COX6A2: variants seen among roughly 807,000 people sequenced by gnomAD.
COX6A2 encodes cytochrome c oxidase subunit 6A2, mitochondrial.
In COX6A2, 5 loss-of-function variants were observed where a neutral mutation model predicts 7.2. That is an observed-to-expected ratio of 0.69 (90% CI 0.36 to 1.45). The LOEUF (loss-of-function observed/expected upper bound fraction) is 1.45. COX6A2 is among the 40% of genes most tolerant of loss of function. The pLI is 0.03. For synonymous variants in COX6A2, 63 were observed against 55.9 expected (o/e 1.13, Z -0.56); for missense variants, 174 against 137.7 (o/e 1.26, Z -1.32).
At chr16:31,428,182 C>G (rs968130651) in intron 1 of COX6A2, 31 bp from the exon 2 acceptor site, 31 of 1,557,206 alleles carry the variant, frequency 2.0e-5, no homozygotes, top group Non-Finnish European at 2.3e-5. Context: ...GCGCGGCGGT[C>G]CTGGGGCGGC....
chr16:31,428,164 C>G lies in COX6A2; in HGVS notation c.74-13G>C, dbSNP rs745413427. The G allele has an allele frequency of 1.9e-6, 3 of 1,567,040 alleles. No homozygotes were observed. The highest frequency in any genetic ancestry group is 1.2e-5 in the South Asian group (1 of 84,886). On this transcript the variant is annotated splice_polypyrimidine_tract_variant and intron_variant, in intron 1 of 2. Coordinates refer to ENST00000287490, the MANE Select transcript of COX6A2 (RefSeq NM_005205.4). ...CGCCAGGTACGAGCTGCGGACGGAG[C>G]GGGGTGAGCGCGGCGGTCCTGGGGC...
At position 31,428,072 on chromosome 16, in the gene COX6A2, C is replaced by G. The variant is rs1332271511; in HGVS notation, c.153G>C (p.Ser51=). The G allele has an allele frequency of 3.2e-6, 5 of 1,550,756 alleles. No individual in the cohort carries two copies. The highest frequency in any genetic ancestry group is 4.4e-6 in the Non-Finnish European group (5 of 1,149,078). The change falls in exon 2 of 3, where the codon TCG becomes TCC. Residue 51 remains serine (S), a synonymous_variant. Transcript: ENST00000287490. ...ALCTFNSYLH[S]GHRPRPEFRP... ...GGAACTCGGGGCGCGGGCGGTGGCCCGAGTGGAGATAGGAGTTGAAGGTGC... is the reference window on the plus strand; with the variant it reads ...GGAACTCGGGGCGCGGGCGGTGGCCGGAGTGGAGATAGGAGTTGAAGGTGC...
In COX6A2 at chr16:31,428,008, C is replaced by A; in HGVS notation, c.210+7G>T. 4 of 1,449,228 alleles carry A rather than the reference C, an allele frequency of 2.8e-6. No individual in the cohort carries two copies. Among genetic ancestry groups the A allele is most frequent in the Non-Finnish European group, 1.8e-6 (2 of 1,097,710 alleles). 89.8% of individuals were successfully genotyped at this position (1,449,228 alleles called of 1,614,324 possible). On this transcript the variant is annotated splice_region_variant and intron_variant, in intron 2 of 2. Transcript: ENST00000287490. ...CCCCGTGCCGCCCGCGCGCCCGTCC[C>A]GCGTACCTTGGTGCGGATGCGGAGG...
Position 31,428,058 on chromosome 16 carries a change from C to T in COX6A2, c.167G>A (p.Arg56His). The change falls in exon 2 of 3, where the codon CGC (arginine) becomes CAC (histidine). Residue 56 changes from arginine (R) to histidine (H), a missense_variant. Physicochemically the swap from Arg to His is conservative, Grantham distance 29. Transcript: ENST00000287490. ...NSYLHSGHRP[R>H]PEFRPYQHLR... The stretch of plus-strand genomic sequence containing the variant: ...GTGTTGGTAGGGACGGAACTCGGGG[C>T]GCGGGCGGTGGCCCGAGTGGAGATA... 1.3e-6 allele frequency: 2 copies of T among 1,542,752 alleles called. No individual in the cohort carries two copies. Among genetic ancestry groups the T allele is most frequent in the Non-Finnish European group, 8.7e-7 (1 of 1,145,880 alleles).
chr16:31,427,929 C>CG lies in COX6A2; in HGVS notation c.211-73_211-72insC, dbSNP rs1452498047. On this transcript the variant is annotated intron_variant, in intron 2 of 2. Coordinates refer to ENST00000287490, the MANE Select transcript of COX6A2 (RefSeq NM_005205.4). ...GGAGTCCGCGCCCCGCGCGACCCCC[C>CG]CCCCGCAGCACCCCCCCCCGCCCCC... 6 of 351,412 alleles carry CG rather than the reference C, an allele frequency of 1.7e-5. 1 individual carries two copies. In the East Asian group the frequency reaches 3.2e-4, roughly 19 times the overall value. 21.8% of individuals were successfully genotyped at this position (351,412 alleles called of 1,614,324 possible).
rs1491104024 is a variant in COX6A2, at chr16:31,427,922, G to GCGCCCCCCCCCCCGCAGC, written c.211-66_211-65insGCTGCGGGGGGGGGGGCG. ...TGAGTCCGGAGTCCGCGCCCCGCGC[G>GCGCCCCCCCCCCCGCAGC]ACCCCCCCCCCGCAGCACCCCCCCC... On this transcript the variant is annotated intron_variant, in intron 2 of 2. Transcript: ENST00000287490. The GCGCCCCCCCCCCCGCAGC allele has an allele frequency of 9.9e-6, 2 of 201,974 alleles. 1 individual carries two copies. Among genetic ancestry groups the GCGCCCCCCCCCCCGCAGC allele is most frequent in the African/African-American group, 2.6e-4 (2 of 7,580 alleles). The allele number at this position is 201,974 out of a possible 1,614,324, so 12.5% of individuals were successfully genotyped here. A position where few individuals can be genotyped will look rare whatever the true frequency, so the allele number is the denominator to read the frequency against.
intron 1 of COX6A2, 26 bp downstream of exon 1, chr16:31,428,227 C>A: frequency 1.3e-6 from 2 of 1,551,176 alleles, no homozygotes; most frequent in Non-Finnish European, 1.7e-6. Context: ...TAGGGGAGCC[C>A]CCGGATCCGC....
chr16:31,428,159 C>A lies in COX6A2; in HGVS notation c.74-8G>T. On this transcript the variant is annotated splice_region_variant and splice_polypyrimidine_tract_variant and intron_variant, in intron 1 of 2. Transcript: ENST00000287490. ...GCAGACGCCAGGTACGAGCTGCGGA[C>A]GGAGCGGGGTGAGCGCGGCGGTCCT... 6.4e-7 allele frequency: 1 copy of A among 1,569,132 alleles called. No individual in the cohort carries two copies. The highest frequency in any genetic ancestry group is 1.9e-5 in the Admixed American group (1 of 53,564).
chr16:31,427,736 G>A lies in COX6A2; in HGVS notation c.*38C>T. ...CTCCCCACAGAGCCGCAGACTCGAA[G>A]CTTCACACCTTTATTGTGTCCGGGG... is the stretch of plus-strand genomic sequence containing the variant. On this transcript the variant is annotated 3_prime_UTR_variant, in exon 3 of 3. Coordinates refer to ENST00000287490, the MANE Select transcript of COX6A2 (RefSeq NM_005205.4). The A allele has an allele frequency of 1.5e-6, 2 of 1,335,222 alleles. No homozygotes were observed. The highest frequency in any genetic ancestry group is 1.9e-6 in the Non-Finnish European group (2 of 1,031,710). The allele number at this position is 1,335,222 out of a possible 1,614,324, so 82.7% of individuals were successfully genotyped here. A position where few individuals can be genotyped will look rare whatever the true frequency, so the allele number is the denominator to read the frequency against.
At position 31,428,179 on chromosome 16, in the gene COX6A2, G is replaced by A. The variant is rs1244071783; in HGVS notation, c.74-28C>T. The A allele has an allele frequency of 7.7e-6, 12 of 1,560,000 alleles. No homozygotes were observed. In the East Asian group the frequency reaches 1.2e-4, roughly 16 times the overall value. ...GCGGACGGAGCGGGGTGAGCGCGGC[G>A]GTCCTGGGGCGGCGGGCCTGTGAAC... On this transcript the variant is annotated intron_variant, in intron 1 of 2. Coordinates refer to ENST00000287490, the MANE Select transcript of COX6A2 (RefSeq NM_005205.4).
intron 1 of COX6A2, 23 bp downstream of exon 1, chr16:31,428,230 G>A (rs1263368341): frequency 1.3e-6 from 2 of 1,558,882 alleles, no homozygotes; most frequent in Non-Finnish European, 1.7e-6. Context: ...GGGAGCCCCC[G>A]GATCCGCCCG....
At position 31,428,118 on chromosome 16, in the gene COX6A2, G is replaced by A. The variant is rs868488221; in HGVS notation, c.107C>T (p.Ala36Val). 1.3e-6 allele frequency: 2 copies of A among 1,571,158 alleles called. No homozygotes were observed. The highest frequency in any genetic ancestry group is 1.4e-5 in the African/African-American group (1 of 73,740). Residue 36 changes from alanine to valine, a missense_variant, in exon 2 of 3, where the codon GCG becomes GTG. Transcript: ENST00000287490. The stretch of plus-strand genomic sequence containing the variant: ...GGTGCAGAGGGCCACGCTGGGCAGC[G>A]CCAGCACGAAGGTCAGCAGACGCCA... The part of the protein sequence containing the change: ...RTWRLLTFVL[A>V]LPSVALCTFN...
rs1356042480 is a variant in COX6A2, at chr16:31,428,005, TCCCGCGTA to T, written c.210+2_210+9del. 1 of 1,365,188 alleles carries T rather than the reference TCCCGCGTA, an allele frequency of 7.3e-7. No homozygotes were observed. Among genetic ancestry groups the T allele is most frequent in the African/African-American group, 1.7e-5 (1 of 58,962 alleles). 84.6% of individuals were successfully genotyped at this position (1,365,188 alleles called of 1,614,324 possible). A position where few individuals can be genotyped will look rare whatever the true frequency, so the allele number is the denominator to read the frequency against. On this transcript the variant is annotated splice_donor_variant and splice_donor_5th_base_variant and intron_variant, in intron 2 of 2. Coordinates refer to ENST00000287490, the MANE Select transcript of COX6A2 (RefSeq NM_005205.4). LOFTEE classifies it high-confidence loss of function. The stretch of plus-strand genomic sequence containing the variant: ...CACCCCCGTGCCGCCCGCGCGCCCG[TCCCGCGTA>T]CCTTGGTGCGGATGCGGAGGTGTTG...
Position 31,428,299 on chromosome 16 carries a change from G to A in COX6A2, c.27C>T (p.Thr9=). ...CTTTGGCAGCGCTGGCCAAGCCCCGGGTCAGGGGCCTCAGAGGCAAAGCCA... is the reference window on the plus strand; with the variant it reads ...CTTTGGCAGCGCTGGCCAAGCCCCGAGTCAGGGGCCTCAGAGGCAAAGCCA... MALPLRPL[T]RGLASAAKGG... is the part of the protein sequence containing the mutation. The change falls in exon 1 of 3, where the codon ACC becomes ACT. Residue 9 remains threonine (T), a synonymous_variant. Coordinates refer to ENST00000287490, the MANE Select transcript of COX6A2 (RefSeq NM_005205.4). The A allele has an allele frequency of 6.2e-7, 1 of 1,607,042 alleles. No homozygotes were observed. The highest frequency in any genetic ancestry group is 8.5e-7 in the Non-Finnish European group (1 of 1,177,190).
Position 31,428,122 on chromosome 16 carries a change from G to A in COX6A2, c.103C>T (p.Leu35=). The change falls in exon 2 of 3, where the codon CTG becomes TTG. Residue 35 remains leucine, a synonymous_variant. Coordinates refer to ENST00000287490, the MANE Select transcript of COX6A2 (RefSeq NM_005205.4). ...CAGAGGGCCACGCTGGGCAGCGCCA[G>A]CACGAAGGTCAGCAGACGCCAGGTA... is the stretch of plus-strand genomic sequence containing the variant. The part of the protein sequence containing the change: ...ARTWRLLTFV[L]ALPSVALCTF... 3 of 1,572,720 alleles carry A rather than the reference G, an allele frequency of 1.9e-6. No individual in the cohort carries two copies. Among genetic ancestry groups the A allele is most frequent in the South Asian group, 1.2e-5 (1 of 85,482 alleles).
chr16:31,427,883 G>A, intron 2 of COX6A2, 26 bp from the exon 3 acceptor site: 2 of 1,275,976 alleles, frequency 1.6e-6, no homozygotes, highest in Non-Finnish European at 2.0e-6. Context: ...GGGAGGGAGC[G>A]CGCGTGAGCG....
In COX6A2 at chr16:31,428,047, G is replaced by A. The variant is rs1179135361; in HGVS notation, c.178C>T (p.Arg60Cys). 5 of 1,539,852 alleles carry A rather than the reference G, an allele frequency of 3.2e-6. No homozygotes were observed. The highest frequency in any genetic ancestry group is 5.0e-5 in the East Asian group (2 of 40,286). ...CGGATGCGGAGGTGTTGGTAGGGACGGAACTCGGGGCGCGGGCGGTGGCCC... is the reference window on the plus strand; with the variant it reads ...CGGATGCGGAGGTGTTGGTAGGGACAGAACTCGGGGCGCGGGCGGTGGCCC... ...HSGHRPRPEF[R>C]PYQHLRIRTK... is the part of the protein sequence containing the mutation. Residue 60 changes from arginine to cysteine, a missense_variant, in exon 2 of 3, where the codon CGT (arginine) becomes TGT (cysteine). By Grantham distance (180) the Arg-to-Cys change is radical (BLOSUM62 -3). Transcript: ENST00000287490.
In COX6A2 at chr16:31,427,871, G is replaced by A. The variant is rs1822474763; in HGVS notation, c.211-14C>T. 1.5e-6 allele frequency: 2 copies of A among 1,349,378 alleles called. No individual in the cohort carries two copies. Among genetic ancestry groups the A allele is most frequent in the Non-Finnish European group, 9.6e-7 (1 of 1,045,410 alleles). 83.6% of individuals were successfully genotyped at this position (1,349,378 alleles called of 1,614,324 possible). ...CCAGGGGTAGGGCTGTGGAGAGAGC[G>A]GGGGAGGGAGCGCGCGTGAGCGCCG... On this transcript the variant is annotated splice_polypyrimidine_tract_variant and intron_variant, in intron 2 of 2. Coordinates refer to ENST00000287490, the MANE Select transcript of COX6A2 (RefSeq NM_005205.4).
At position 31,427,792 on chromosome 16, in the gene COX6A2, C is replaced by A; in HGVS notation, c.276G>T (p.Thr92=). The A allele has an allele frequency of 7.1e-7, 1 of 1,411,464 alleles. No individual in the cohort carries two copies. The highest frequency in any genetic ancestry group is 9.3e-7 in the Non-Finnish European group (1 of 1,079,276). 87.4% of individuals were successfully genotyped at this position (1,411,464 alleles called of 1,614,324 possible). ...FHNSHVNPLP[T]GYEHP ...CGGGGCCTCAGGGGTGTTCGTAGCCCGTGGGCAGAGGGTTCACGTGGCTAT... is the reference window on the plus strand; with the variant it reads ...CGGGGCCTCAGGGGTGTTCGTAGCCAGTGGGCAGAGGGTTCACGTGGCTAT... Residue 92 remains threonine (T), a synonymous_variant, in exon 3 of 3, where the codon ACG becomes ACT. Transcript: ENST00000287490.
Sources: gnomAD v4.1 joint callset for allele counts on GRCh38, gnomAD v4.1.1 for gene constraint, MANE v1.5 for transcripts, NCBI Gene and HGNC (gene_info 2026-07-23, HGNC 2026-07-21) for gene names.